Variants in NVL observed in about 807,000 individuals in gnomAD.
NVL encodes nuclear VCP like.
Under a neutral mutation model 110.2 loss-of-function variants are expected in NVL, and 84 were observed. The ratio of observed to expected loss-of-function variants is 0.76; its 90% confidence interval spans 0.64 to 0.91. NVL has a LOEUF of 0.91. NVL is among the 40% of genes least tolerant of loss of function. NVL has a pLI of 0.00. For missense variants in NVL, 882 were observed against 1,035.9 expected, an observed-to-expected ratio of 0.85 and a Z score of 2.04; for synonymous variants, 354 against 361.1, an observed-to-expected ratio of 0.98 and a Z score of 0.22.
chr1:224,276,456 C>G (rs1665767131), intron 16 of NVL, among the ~76,000 whole-genome samples: 1 of 152,116 alleles, frequency 6.6e-6, no homozygotes, highest in African/African-American at 2.4e-5. Flanking sequence ...CCAGGCTGGT[C>G]TCGAACTCCT....
At position 224,231,255 on chromosome 1, in the gene NVL, T is replaced by C. The variant is rs1256337532; in HGVS notation, c.2497A>G (p.Lys833Glu). 6.2e-7 allele frequency: 1 copy of C among 1,612,894 alleles called. No homozygotes were observed. Among genetic ancestry groups the C allele is most frequent in the South Asian group, 1.1e-5 (1 of 91,074 alleles). The part of the protein sequence containing the change: ...VSHKHFEEAF[K>E]KVRSSISKKD... ...TTTGATATAGATGATCTTACTTTCTTGAAAGCTTCTTCAAAATGCTTATGA... is the reference window on the plus strand; with the variant it reads ...TTTGATATAGATGATCTTACTTTCTCGAAAGCTTCTTCAAAATGCTTATGA... Residue 833 changes from lysine to glutamate, a missense_variant, in exon 22 of 23, where the codon AAG becomes GAG. Lys to Glu is a moderately conservative substitution (Grantham distance 56, BLOSUM62 1). Transcript: ENST00000281701.
At chr1:224,328,380 C>T (rs1290326989) in intron 1 of NVL, among the ~76,000 whole-genome samples, 2 of 150,800 alleles carry the variant, frequency 1.3e-5, no homozygotes, top group East Asian at 3.9e-4. Flanking sequence ...AGTAGCCAGG[C>T]GTGATGGCAT....
chr1:224,275,189 T>A (rs1323373942), intron 17 of NVL, 150 bp downstream of exon 17: 7 of 868,826 alleles, frequency 8.1e-6, no homozygotes, highest in Middle Eastern at 3.4e-4. Context: ...ACAACTGCTA[T>A]CTCTAGGATT....
At chr1:224,312,119 C>T in intron 4 of NVL, 1 of 327,030 alleles carries the variant, frequency 3.1e-6, no homozygotes, top group Non-Finnish European at 5.5e-6. Flanking sequence ...TAAATAAACA[C>T]TTGCAAAGTC....
At chr1:224,312,926 A>G (rs1285173596) in intron 4 of NVL, 1 of 151,180 alleles carries the variant, frequency 6.6e-6, no homozygotes, top group Non-Finnish European at 1.5e-5. Flanking sequence ...ATGCAATGAA[A>G]TGCTGTTATA....
At chr1:224,307,698 C>CAAAAAAAAAAAA (rs11366790) in intron 6 of NVL, among the ~76,000 whole-genome samples, 1 of 67,492 alleles carries the variant, frequency 1.5e-5, no homozygotes, top group East Asian at 5.0e-4. Context: ...GACCCAGTCT[C>CAAAAAAAAAAAA]AAAAAAAAAA....
chr1:224,230,005 A>AT (rs1213418852), intron 22 of NVL, among the ~76,000 whole-genome samples: 3 of 151,708 alleles, frequency 2.0e-5, no homozygotes, highest in Non-Finnish European at 2.9e-5. Context: ...CTAAGTTTTA[A>AT]TTTTTTTGTA....
rs1378925555 is a variant in NVL at position 224,308,209 on chromosome 1, C to T, written c.397G>A (p.Asp133Asn). 6.2e-7 allele frequency: 1 copy of T among 1,613,150 alleles called. No homozygotes were observed. The highest frequency in any genetic ancestry group is 8.5e-7 in the Non-Finnish European group (1 of 1,179,796). The change falls in exon 6 of 23, where the codon GAT becomes AAT. Residue 133 changes from aspartate (D) to asparagine (N), a missense_variant. Coordinates refer to ENST00000281701, the MANE Select transcript of NVL (RefSeq NM_002533.4). ...LLSLYRKGNP[D>N]SVSNTPEMEQ... is the part of the protein sequence containing the mutation. ...ATCTCAGGAGTATTTGAAACAGAAT[C>T]AGGATTTCCTTTCCGATATAAAGAC...
intron 20 of NVL, among the ~76,000 whole-genome samples, chr1:224,235,946 GA>G (rs575600764): frequency 2.9e-5 from 4 of 137,116 alleles, no homozygotes; most frequent in African/African-American, 1.0e-4. Flanking sequence ...AAAAAAAAAA[GA>G]AAAAAAAGAA....
intron 18 of NVL, among the ~76,000 whole-genome samples, chr1:224,266,875 G>C (rs1338888785): frequency 6.6e-6 from 1 of 152,182 alleles, no homozygotes; most frequent in African/African-American, 2.4e-5. Flanking sequence ...TTTAACTTTT[G>C]TGGCAATCCT....
At chr1:224,233,076 G>T in intron 21 of NVL, 125 bp downstream of exon 21, 2 of 715,328 alleles carry the variant, frequency 2.8e-6, no homozygotes, top group Non-Finnish European at 4.5e-6. Flanking sequence ...GCTTCTAACA[G>T]TCTTATTAGA....
chr1:224,276,527 T>A (rs1170197444), intron 16 of NVL, among the ~76,000 whole-genome samples: 1 of 152,150 alleles, frequency 6.6e-6, no homozygotes, highest in South Asian at 2.1e-4. Flanking sequence ...CATGAGCCAC[T>A]GCCCCCGGCC....
chr1:224,229,817 T>C (rs889491359), intron 22 of NVL, among the ~76,000 whole-genome samples: 11 of 152,108 alleles, frequency 7.2e-5, no homozygotes, highest in Non-Finnish European at 1.5e-4. Context: ...ACTTGAAGTG[T>C]GTTTTTTCTT....
chr1:224,280,370 G>T (rs1388177867), intron 16 of NVL, among the ~76,000 whole-genome samples: 2 of 151,922 alleles, frequency 1.3e-5, no homozygotes, highest in African/African-American at 4.8e-5. Flanking sequence ...CTTTAGCTTG[G>T]TATAAAGGCC....
At chr1:224,301,297 G>A (rs1243817553) in intron 9 of NVL, among the ~76,000 whole-genome samples, 3 of 152,084 alleles carry the variant, frequency 2.0e-5, no homozygotes, top group African/African-American at 7.2e-5. Flanking sequence ...GAGAGACTGT[G>A]TCTCACTATG....
rs372850367 is a variant in NVL at position 224,294,256 on chromosome 1, T to A, written c.1325+11A>T. ...TTAGTGGCATACAAACTTCATTCTA[T>A]AAGAATATACCTTTCCCTGGATGCT... On this transcript the variant is annotated intron_variant, in intron 12 of 22. Coordinates refer to ENST00000281701, the MANE Select transcript of NVL (RefSeq NM_002533.4). 21 of 1,613,730 alleles carry A rather than the reference T, an allele frequency of 1.3e-5. No individual in the cohort carries two copies. The African/African-American group carries it at 2.1e-4, about 16-fold the overall frequency.
chr1:224,256,097 A>G (rs1481546054), intron 18 of NVL, among the ~76,000 whole-genome samples: 1 of 152,144 alleles, frequency 6.6e-6, no homozygotes, highest in African/African-American at 2.4e-5. Flanking sequence ...CTCTATGCCA[A>G]TTACCATGCC....
intron 18 of NVL, among the ~76,000 whole-genome samples, chr1:224,260,492 G>A (rs529029315): frequency 9.2e-5 from 14 of 152,068 alleles, no homozygotes; most frequent in African/African-American, 2.9e-4. Flanking sequence ...TCCTAACCTC[G>A]TGATGTGTCT....
intron 1 of NVL, among the ~76,000 whole-genome samples, chr1:224,327,422 G>A (rs1671249894): frequency 6.6e-6 from 1 of 152,088 alleles, no homozygotes; most frequent in Admixed American, 6.6e-5. Context: ...CAGCCTGGGT[G>A]ACAGAGCTAG....
Sources: gnomAD v4.1 joint callset for allele counts (sites outside exome capture counted in the v4.1 genomes callset) on GRCh38, gnomAD v4.1.1 for gene constraint, MANE v1.5 for transcripts, NCBI Gene and HGNC (gene_info 2026-07-23, HGNC 2026-07-21) for gene names.